The following GPC6 variants were observed in gnomAD, a reference collection of about 807,000 sequenced individuals.
GPC6 encodes glypican 6.
GPC6 carries 14 observed loss-of-function variants against 55.2 expected under a neutral mutation model. The ratio of observed to expected loss-of-function variants is 0.25; its 90% CI spans 0.17 to 0.40. GPC6 has a LOEUF of 0.40. Among genes scored for constraint, GPC6 ranks in the 10% least tolerant of loss-of-function variants. The pLI is 1.00. For missense variants in GPC6, 641 were observed against 708.5 expected, an observed-to-expected ratio of 0.90 and a Z score of 1.08; for synonymous variants, 278 against 259.6, an observed-to-expected ratio of 1.07 and a Z score of -0.68.
chr13:94,325,111 G>A (rs1877045270), intron 6 of GPC6, among the ~76,000 whole-genome samples: 1 of 152,040 alleles, frequency 6.6e-6, no homozygotes, highest in Non-Finnish European at 1.5e-5. Context: ...TTTCATAAGT[G>A]CCTCTGTTTG....
intron 4 of GPC6, among the ~76,000 whole-genome samples, chr13:94,279,542 C>T (rs1046404883): frequency 6.6e-6 from 1 of 152,086 alleles, no homozygotes; most frequent in Admixed American, 6.6e-5. Flanking sequence ...GTTAGGGTAT[C>T]GATCTGAGAT....
Position 94,233,788 on chromosome 13 carries a change from A to G in GPC6, c.878-52561A>G, listed in dbSNP as rs980733595. Among the ~76,000 whole-genome samples, 7 of 152,272 alleles carry G rather than the reference A, an allele frequency of 4.6e-5. 1 individual carries two copies. The South Asian group carries it at 1.5e-3, about 32-fold the overall frequency. Reference sequence around the variant, plus strand: ...GTTATAATTGTTGTATTTTATTCTTAGTTCTTGTTGTTAATCTCTTACTGT... The same window carrying G: ...GTTATAATTGTTGTATTTTATTCTTGGTTCTTGTTGTTAATCTCTTACTGT... On this transcript the variant is annotated intron_variant, in intron 4 of 8. Transcript: ENST00000377047.
intron 1 of GPC6, among the ~76,000 whole-genome samples, chr13:93,446,991 G>A (rs1878031228): frequency 6.6e-6 from 1 of 152,036 alleles, no homozygotes; most frequent in African/African-American, 2.4e-5. Context: ...TGCTTGCTGT[G>A]TCAGGTTCTC....
chr13:93,621,625 TCAAAA>T (rs1404456184), intron 2 of GPC6, among the ~76,000 whole-genome samples: 59 of 152,114 alleles, frequency 3.9e-4, no homozygotes, highest in Non-Finnish European at 7.4e-4. Flanking sequence ...ATAAGCATGT[TCAAAA>T]ATATAGTAAT....
chr13:94,184,126 C>T (rs1196217761), intron 4 of GPC6, among the ~76,000 whole-genome samples: 3 of 151,880 alleles, frequency 2.0e-5, no homozygotes, highest in African/African-American at 4.8e-5. Flanking sequence ...AGAAATGAAC[C>T]CAAGATGGAT....
In GPC6 at chr13:93,294,460, G is replaced by A. The variant is rs1360891882; in HGVS notation, c.160+66844G>A. On this transcript the variant is annotated intron_variant, in intron 1 of 8. Transcript: ENST00000377047. ...CTATCCACCCCCATCCCCTGCCCCTGCAAAAAAGACAAAACAAATCTCCCT... is the reference window on the plus strand; with the variant it reads ...CTATCCACCCCCATCCCCTGCCCCTACAAAAAAGACAAAACAAATCTCCCT... Among the ~76,000 whole-genome samples the A allele has an allele frequency of 2.0e-5, 3 of 151,170 alleles. No homozygotes were observed. The South Asian group carries it at 6.3e-4, about 32-fold the overall frequency.
At chr13:94,289,931 C>T (rs1014810763) in intron 5 of GPC6, among the ~76,000 whole-genome samples, 7 of 152,082 alleles carry the variant, frequency 4.6e-5, no homozygotes, top group Non-Finnish European at 2.9e-5. Flanking sequence ...GTTCTAGGGG[C>T]CCCCATGACC....
chr13:93,472,588 GC>G (rs1879159496), intron 1 of GPC6, among the ~76,000 whole-genome samples: 1 of 152,180 alleles, frequency 6.6e-6, no homozygotes, highest in African/African-American at 2.4e-5. Flanking sequence ...GCTTGGAGAT[GC>G]CAGGAACTGC....
chr13:93,781,967 T>A, intron 2 of GPC6, among the ~76,000 whole-genome samples: 1 of 152,282 alleles, frequency 6.6e-6, no homozygotes, highest in African/African-American at 2.4e-5. Context: ...AAATCTACTT[T>A]TTTTAGCTAT....
chr13:94,178,025 A>ATTTTTTTTTTTTTTTTTTTTTTTTTT (rs767978319), intron 4 of GPC6, among the ~76,000 whole-genome samples: 5 of 132,986 alleles, frequency 3.8e-5, no homozygotes, highest in Non-Finnish European at 6.3e-5. Flanking sequence ...TGGCCTTTTA[A>ATTTTTTTTTTTTTTTTTTTTTTTTTT]TTTTTTTTTT....
Position 93,470,360 on chromosome 13 carries a change from T to C in GPC6, c.161-74903T>C, listed in dbSNP as rs1218254449. On this transcript the variant is annotated intron_variant, in intron 1 of 8. Coordinates refer to ENST00000377047, the MANE Select transcript of GPC6 (RefSeq NM_005708.5). ...CATTAACTTCTTCATATTATTTTTC[T>C]GCATCAGTTGGTAAAATCATAAGGG... Among the ~76,000 whole-genome samples, 3 of 152,196 alleles carry C rather than the reference T, an allele frequency of 2.0e-5. No individual in the cohort carries two copies. The East Asian group carries it at 5.8e-4, about 29-fold the overall frequency.
intron 4 of GPC6, among the ~76,000 whole-genome samples, chr13:94,034,254 A>AAGGAAGGAGGGAAAG (rs1883256688): frequency 2.0e-5 from 3 of 151,926 alleles, no homozygotes; most frequent in Non-Finnish European, 4.4e-5. Flanking sequence ...GGAAGGAAAG[A>AAGGAAGGAGGGAAAG]AAGAAAGAAA....
At chr13:94,252,135 C>A (rs1289997116) in intron 4 of GPC6, among the ~76,000 whole-genome samples, 1 of 152,092 alleles carries the variant, frequency 6.6e-6, no homozygotes, top group Non-Finnish European at 1.5e-5. Flanking sequence ...TATTTCCTCT[C>A]ACTTCCCTGA....
intron 2 of GPC6, among the ~76,000 whole-genome samples, chr13:93,620,295 A>G (rs977215622): frequency 6.6e-6 from 1 of 152,236 alleles, no homozygotes; most frequent in African/African-American, 2.4e-5. Context: ...TCATTGAAAC[A>G]TATGGCTAGC....
chr13:94,012,384 G>A (rs974763905), intron 3 of GPC6, among the ~76,000 whole-genome samples: 1 of 152,102 alleles, frequency 6.6e-6, no homozygotes, highest in Non-Finnish European at 1.5e-5. Context: ...TTCTCATAGG[G>A]CTCATCAGGA....
chr13:93,773,584 G>A (rs1409727261), intron 2 of GPC6, among the ~76,000 whole-genome samples: 1 of 152,062 alleles, frequency 6.6e-6, no homozygotes, highest in Non-Finnish European at 1.5e-5. Context: ...GTAGTTTTAA[G>A]TTGCTTCTCT....
chr13:94,407,708 G>A lies in GPC6; in HGVS notation c.*4491G>A, dbSNP rs573400833. Among the ~76,000 whole-genome samples the A allele has an allele frequency of 2.0e-5, 3 of 152,200 alleles. No individual in the cohort carries two copies. The highest frequency in any genetic ancestry group is 2.1e-4 in the South Asian group (1 of 4,820). On this transcript the variant is annotated 3_prime_UTR_variant, in exon 9 of 9. Coordinates refer to ENST00000377047, the MANE Select transcript of GPC6 (RefSeq NM_005708.5). ...ACTGATGTCAATACTTTATAAATGA[G>A]GTCAGAAAATAAGATCAAATGTGAA...
chr13:93,371,462 A>C (rs1438865410), intron 1 of GPC6, among the ~76,000 whole-genome samples: 1 of 152,164 alleles, frequency 6.6e-6, no homozygotes, highest in Non-Finnish European at 1.5e-5. Context: ...TGCAAGTTAT[A>C]AAGTATAATC....
chr13:93,257,086 C>G (rs766047449), intron 1 of GPC6, among the ~76,000 whole-genome samples: 2 of 151,974 alleles, frequency 1.3e-5, no homozygotes, highest in Non-Finnish European at 2.9e-5. Context: ...GGGAGGATTG[C>G]TTAAGGCTAG....
Sources: gnomAD v4.1 joint callset for allele counts (sites outside exome capture counted in the v4.1 genomes callset) on GRCh38, gnomAD v4.1.1 for gene constraint, MANE v1.5 for transcripts, NCBI Gene and HGNC (gene_info 2026-07-23, HGNC 2026-07-21) for gene names.